SUGP2: variants seen among roughly 807,000 people sequenced by gnomAD.
The protein encoded by SUGP2 is SURP and G-patch domain-containing protein 2.
Under a neutral mutation model 90.5 loss-of-function variants are expected in SUGP2, and 24 were observed. That is an observed-to-expected ratio of 0.27 (90% confidence interval 0.19 to 0.37). The LOEUF (loss-of-function observed/expected upper bound fraction) is 0.37. Among genes scored for constraint, SUGP2 ranks in the 10% least tolerant of loss-of-function variants. The pLI is 1.00. For missense variants in SUGP2, 1,233 were observed against 1,363.3 expected (o/e 0.90, Z 1.51); for synonymous variants, 473 against 513.4 (o/e 0.92, Z 1.06).
chr19:19,018,635 C>T (rs1057188453), intron 4 of SUGP2, among the ~76,000 whole-genome samples: 2 of 127,714 alleles, frequency 1.6e-5, no homozygotes, highest in South Asian at 2.4e-4. Flanking sequence ...TGCGGTGAGC[C>T]GAGATAGCGC....
At chr19:19,020,257 A>T (rs1296476737) in intron 3 of SUGP2, among the ~76,000 whole-genome samples, 1 of 151,224 alleles carries the variant, frequency 6.6e-6, no homozygotes, top group African/African-American at 2.4e-5. Flanking sequence ...ATGAAACTCC[A>T]TTTCTACTAA....
chr19:19,029,199 T>A (rs1239640019), intron 2 of SUGP2, among the ~76,000 whole-genome samples: 1 of 151,670 alleles, frequency 6.6e-6, no homozygotes, highest in Non-Finnish European at 1.5e-5. Flanking sequence ...TGGAGTGCAG[T>A]GGCACAACCT....
Position 18,994,812 on chromosome 19 carries a change from G to C in SUGP2, c.3129-326C>G, listed in dbSNP as rs1039223619. The C allele has an allele frequency of 9.5e-6, 5 of 528,870 alleles. No homozygotes were observed. The African/African-American group carries it at 9.5e-5, about 10-fold the overall frequency. The allele number at this position is 528,870 out of a possible 1,614,324, so 32.8% of individuals were successfully genotyped here. ...CTTTGGGCCTGTGTTCGGGACCCTGGCTGGCCCGGCTATGGGTTCCCGGGA... is the reference window on the plus strand; with the variant it reads ...CTTTGGGCCTGTGTTCGGGACCCTGCCTGGCCCGGCTATGGGTTCCCGGGA... On this transcript the variant is annotated intron_variant, in intron 9 of 10. Transcript: ENST00000452918.
chr19:18,991,407 G>C lies in SUGP2; in HGVS notation c.*2334C>G, dbSNP rs1043054569. 6.6e-6 allele frequency: 1 copy of C among 152,234 alleles called. No individual in the cohort carries two copies. The highest frequency in any genetic ancestry group is 2.4e-5 in the African/African-American group (1 of 41,450). The allele number at this position is 152,234 out of a possible 1,614,324, so 9.4% of individuals were successfully genotyped here. A position where few individuals can be genotyped will look rare whatever the true frequency, so the allele number is the denominator to read the frequency against. On this transcript the variant is annotated 3_prime_UTR_variant, in exon 11 of 11. Transcript: ENST00000452918. ...AATCCACAGGAGAGGTGTCCTCTGA[G>C]AGTGTAGGGGGCTTTCTAGGTTCAA... is the stretch of plus-strand genomic sequence containing the variant.
chr19:19,019,953 A>C (rs12978822), intron 3 of SUGP2, among the ~76,000 whole-genome samples: 94,617 of 126,952 alleles, frequency 0.75, 35,596 homozygotes, highest in East Asian at 0.88. Context: ...TCAAGACCAC[A>C]CTGGGCAACA....
chr19:19,025,244 T>C lies in SUGP2; in HGVS notation c.1104A>G (p.Ser368=). The C allele has an allele frequency of 6.2e-7, 1 of 1,613,252 alleles. No individual in the cohort carries two copies. The change falls in exon 3 of 11, where the codon TCA becomes TCG. Residue 368 remains serine (S), a synonymous_variant. Coordinates refer to ENST00000452918, the MANE Select transcript of SUGP2 (RefSeq NM_001017392.5). The part of the protein sequence containing the change: ...ETETCAKMLA[S]FKCSLKPEHR... ...GCTCTGGTTTTAAGGAACATTTGAA[T>C]GAGGCAAGCATTTTAGCACAGGTTT...
At chr19:19,019,309 G>A in intron 3 of SUGP2, 80 bp from the exon 4 acceptor site, 1 of 1,491,648 alleles carries the variant, frequency 6.7e-7, no homozygotes, top group South Asian at 1.3e-5. Context: ...AGTAGTTGGG[G>A]GCTTAGTGCT....
chr19:19,007,161 CAG>C (rs1485600377), intron 6 of SUGP2, among the ~76,000 whole-genome samples: 1 of 152,184 alleles, frequency 6.6e-6, no homozygotes, highest in Non-Finnish European at 1.5e-5. Context: ...GCTCCTCACC[CAG>C]GTTTTCTTGC....
chr19:19,027,265 T>C (rs1330725377), intron 2 of SUGP2, among the ~76,000 whole-genome samples: 1 of 152,130 alleles, frequency 6.6e-6, no homozygotes, highest in Non-Finnish European at 1.5e-5. Context: ...CCTTTCTTTC[T>C]AGCTTTTCAA....
At chr19:19,019,427 T>A (rs2058625000) in intron 3 of SUGP2, among the ~76,000 whole-genome samples, 198 bp from the exon 4 acceptor site, 1 of 152,146 alleles carries the variant, frequency 6.6e-6, no homozygotes, top group Non-Finnish European at 1.5e-5. Flanking sequence ...TGTAACAGTA[T>A]AACCACTAGG....
intron 1 of SUGP2, among the ~76,000 whole-genome samples, chr19:19,031,437 G>A (rs1438333193): frequency 6.6e-6 from 1 of 152,070 alleles, no homozygotes; most frequent in African/African-American, 2.4e-5. Flanking sequence ...GGGAGGCTGT[G>A]GCAAGAGAAT....
Position 19,025,664 on chromosome 19 carries a change from CT to C in SUGP2, c.683del (p.Lys228ArgfsTer20). 6.2e-7 allele frequency: 1 copy of C among 1,614,054 alleles called. No homozygotes were observed. Among genetic ancestry groups the C allele is most frequent in the Non-Finnish European group, 8.5e-7 (1 of 1,179,998 alleles). On this transcript the variant is annotated frameshift_variant, in exon 3 of 11. Transcript: ENST00000452918. LOFTEE classifies it high-confidence loss of function. ...IVDQEGSLLG[K>X]GETQGLLTAK... The stretch of plus-strand genomic sequence containing the variant: ...CTGTGAGCAGGCCCTGAGTCTCCCC[CT>C]TTCCTAGGAGGGAACCTTCCTGGTC...
chr19:19,027,841 T>C lies in SUGP2; in HGVS notation c.122-1615A>G, dbSNP rs1320518818. Among the ~76,000 whole-genome samples the C allele has an allele frequency of 2.6e-5, 4 of 152,198 alleles. No individual in the cohort carries two copies. The South Asian group carries it at 6.2e-4, about 24-fold the overall frequency. ...TTAGTAGAGACAGGGTTTCACCACA[T>C]TGGCCAGGCTGGTCTGGAACTCCTG... is the stretch of plus-strand genomic sequence containing the variant. On this transcript the variant is annotated intron_variant, in intron 2 of 10. Transcript: ENST00000452918.
At chr19:19,026,326 A>G in intron 2 of SUGP2, 100 bp from the exon 3 acceptor site, 1 of 1,226,044 alleles carries the variant, frequency 8.2e-7, no homozygotes, top group East Asian at 2.6e-5. Flanking sequence ...ATCACCAGGC[A>G]GCAAAACTGC....
Position 19,008,204 on chromosome 19 carries a change from T to C in SUGP2, c.2450+113A>G, listed in dbSNP as rs1288173753. 1.0e-5 allele frequency: 9 copies of C among 902,788 alleles called. No homozygotes were observed. In the East Asian group the frequency reaches 2.2e-4, roughly 22 times the overall value. The allele number at this position is 902,788 out of a possible 1,614,324, so 55.9% of individuals were successfully genotyped here. A position where few individuals can be genotyped will look rare whatever the true frequency, so the allele number is the denominator to read the frequency against. On this transcript the variant is annotated intron_variant, in intron 6 of 10. Coordinates refer to ENST00000452918, the MANE Select transcript of SUGP2 (RefSeq NM_001017392.5). ...CTGTGGTCCCAGCTACTCTGGAGGCTGAAACAGGAGGATCACTTGAGCCCA... is the reference window on the plus strand; with the variant it reads ...CTGTGGTCCCAGCTACTCTGGAGGCCGAAACAGGAGGATCACTTGAGCCCA...
chr19:19,024,643 T>G lies in SUGP2; in HGVS notation c.1705A>C (p.Lys569Gln). The G allele has an allele frequency of 6.2e-7, 1 of 1,614,138 alleles. No individual in the cohort carries two copies. The highest frequency in any genetic ancestry group is 8.5e-7 in the Non-Finnish European group (1 of 1,180,000). ...IPPTKPEIQA[K>Q]APSSLSDAVP... is the part of the protein sequence containing the mutation. The stretch of plus-strand genomic sequence containing the variant: ...CCATCACTCAGACTACTTGGAGCCT[T>G]GGCCTGAATTTCAGGTTTCGTAGGA... Residue 569 changes from lysine (K) to glutamine (Q), a missense_variant, in exon 3 of 11, where the codon AAG (lysine) becomes CAG (glutamine). Transcript: ENST00000452918.
At chr19:19,031,359 C>A (rs1245645396) in intron 1 of SUGP2, among the ~76,000 whole-genome samples, 1 of 152,036 alleles carries the variant, frequency 6.6e-6, no homozygotes, top group East Asian at 1.9e-4. Flanking sequence ...CATGGCAAAA[C>A]CCTGTCTCTA....
intron 4 of SUGP2, among the ~76,000 whole-genome samples, chr19:19,012,432 C>T (rs147584703): frequency 1.4e-3 from 216 of 152,244 alleles, no homozygotes; most frequent in African/African-American, 4.6e-3. Flanking sequence ...AAGTGCAGTC[C>T]GAGGATGTCA....
chr19:19,027,422 T>TA (rs2058977523), intron 2 of SUGP2, among the ~76,000 whole-genome samples: 1 of 152,254 alleles, frequency 6.6e-6, no homozygotes, highest in South Asian at 2.1e-4. Flanking sequence ...ACTGGGCACC[T>TA]ACTGTGCGCA....
Sources: gnomAD v4.1 joint callset for allele counts (sites outside exome capture counted in the v4.1 genomes callset) on GRCh38, gnomAD v4.1.1 for gene constraint, MANE v1.5 for transcripts, NCBI Gene and HGNC (gene_info 2026-07-23, HGNC 2026-07-21) for gene names.